Variants in RPN2 observed in about 807,000 individuals in gnomAD.
RPN2 encodes ribophorin II.
In RPN2, 29 loss-of-function variants were observed where a neutral mutation model predicts 71.4. That is an observed-to-expected ratio of 0.41 (90% CI 0.30 to 0.55). The LOEUF (loss-of-function observed/expected upper bound fraction) is 0.55. Among genes scored for constraint, RPN2 ranks in the 20% least tolerant of loss-of-function variants. The probability of loss-of-function intolerance (pLI) is 0.35; values close to 1 mark genes in which losing one functional copy is unlikely to be tolerated. For synonymous variants in RPN2, 308 were observed against 305.0 expected, an observed-to-expected ratio of 1.01 and a Z score of -0.10; for missense variants, 726 against 774.1, an observed-to-expected ratio of 0.94 and a Z score of 0.74.
At chr20:37,217,890 T>G (rs982678497) in intron 9 of RPN2, among the ~76,000 whole-genome samples, 1 of 152,108 alleles carries the variant, frequency 6.6e-6, no homozygotes, top group South Asian at 2.1e-4. Flanking sequence ...CACGCCACCA[T>G]GCCTGGCTAA....
At chr20:37,231,814 A>G (rs1247265872) in intron 13 of RPN2, among the ~76,000 whole-genome samples, 1 of 152,064 alleles carries the variant, frequency 6.6e-6, no homozygotes, top group African/African-American at 2.4e-5. Flanking sequence ...AAAGATCTGT[A>G]GGGAGGCTCT....
At position 37,230,030 on chromosome 20, in the gene RPN2, A is replaced by C. The variant is rs751389613; in HGVS notation, c.1552A>C (p.Asn518His). ...EEAPSTVLSQ[N>H]LFTPKQEIQH... The stretch of plus-strand genomic sequence containing the variant: ...AGCTCCCTCGACTGTCTTGTCCCAG[A>C]ACCTTTTCACTCCAAAACAGGAAAT... The change falls in exon 13 of 17, where the codon AAC (asparagine) becomes CAC (histidine). Residue 518 changes from asparagine to histidine, a missense_variant. Asn to His is a moderately conservative substitution (Grantham distance 68). Coordinates refer to ENST00000237530, the MANE Select transcript of RPN2 (RefSeq NM_002951.5). The C allele has an allele frequency of 6.2e-7, 1 of 1,614,174 alleles. No individual in the cohort carries two copies. Among genetic ancestry groups the C allele is most frequent in the South Asian group, 1.1e-5 (1 of 91,076 alleles).
rs372561414 is a variant in RPN2 at position 37,238,821 on chromosome 20, C to T, written c.1883+2112C>T. ...GACAAATCCAAAATTCATTAAATGA[C>T]GGTCCCATGGCAAATCCTGGCACAC... On this transcript the variant is annotated intron_variant, in intron 16 of 16. Transcript: ENST00000237530. 8 of 535,786 alleles carry T rather than the reference C, an allele frequency of 1.5e-5. No homozygotes were observed. In the East Asian group the frequency reaches 1.5e-4, roughly 10 times the overall value. The allele number at this position is 535,786 out of a possible 1,614,324, so 33.2% of individuals were successfully genotyped here. A position where few individuals can be genotyped will look rare whatever the true frequency, so the allele number is the denominator to read the frequency against.
intron 13 of RPN2, among the ~76,000 whole-genome samples, chr20:37,231,315 ACTAT>A (rs1485904798): frequency 1.3e-5 from 2 of 151,962 alleles, no homozygotes; most frequent in African/African-American, 2.4e-5. Context: ...GCTAGGTCAC[ACTAT>A]CTAGGTGAGC....
chr20:37,226,696 A>G (rs1322588768), intron 11 of RPN2, among the ~76,000 whole-genome samples: 1 of 152,164 alleles, frequency 6.6e-6, no homozygotes, highest in African/African-American at 2.4e-5. Flanking sequence ...TATTTTTTTC[A>G]TAGAGTAATG....
chr20:37,232,298 C>T lies in RPN2; in HGVS notation c.1584C>T (p.His528=). ...NLFTPKQEIQ[H]LFREPEKRPP... is the part of the protein sequence containing the mutation. ...CTTCTTGGTGTGTCTTTCGGCAGCA[C>T]CTGTTCCGCGAGCCTGAGAAGAGGC... Residue 528 remains histidine (H), a splice_region_variant and synonymous_variant, in exon 14 of 17, where the codon CAC becomes CAT. Transcript: ENST00000237530. 6.2e-7 allele frequency: 1 copy of T among 1,614,200 alleles called. No individual in the cohort carries two copies. Among genetic ancestry groups the T allele is most frequent in the Non-Finnish European group, 8.5e-7 (1 of 1,180,038 alleles).
At chr20:37,190,735 T>G (rs1169200259) in intron 2 of RPN2, among the ~76,000 whole-genome samples, 1 of 152,094 alleles carries the variant, frequency 6.6e-6, no homozygotes, top group South Asian at 2.1e-4. Context: ...AAATGGGAGC[T>G]CTCTAAATGT....
chr20:37,232,488 AG>A, intron 14 of RPN2, 97 bp downstream of exon 14: 1 of 1,422,270 alleles, frequency 7.0e-7, no homozygotes, highest in Non-Finnish European at 9.9e-7. Flanking sequence ...GCCTCAGTAA[AG>A]CTCCAGAGGG....
At chr20:37,236,991 G>A (rs924830743) in intron 16 of RPN2, among the ~76,000 whole-genome samples, 1 of 152,184 alleles carries the variant, frequency 6.6e-6, no homozygotes, top group Non-Finnish European at 1.5e-5. Flanking sequence ...ATTCATAGAT[G>A]TGGCAGAAGA....
At chr20:37,208,629 T>C (rs1347264251) in intron 7 of RPN2, among the ~76,000 whole-genome samples, 5 of 152,358 alleles carry the variant, frequency 3.3e-5, no homozygotes, top group Admixed American at 3.3e-4. Flanking sequence ...TTTGCCTCTT[T>C]ATAGCACAGT....
At position 37,191,138 on chromosome 20, in the gene RPN2, A is replaced by G. The variant is rs185949299; in HGVS notation, c.207+6765A>G. On this transcript the variant is annotated intron_variant, in intron 2 of 16. Transcript: ENST00000237530. ...ATGGGGTTTAATGAGAATAGAAACT[A>G]TGGAGACAGCAGTGTGGAATGAGAG... 5.9e-5 allele frequency among the ~76,000 whole-genome samples: 9 copies of G among 152,302 alleles called. No individual in the cohort carries two copies. In the East Asian group the frequency reaches 1.2e-3, roughly 20 times the overall value.
At chr20:37,232,433 C>T (rs1433103277) in intron 14 of RPN2, 42 bp downstream of exon 14, 1 of 1,606,224 alleles carries the variant, frequency 6.2e-7, no homozygotes, top group Non-Finnish European at 8.5e-7. Context: ...CGTCTGGCGC[C>T]AGACCCAGCA....
chr20:37,216,492 C>T (rs1313000930), intron 9 of RPN2, among the ~76,000 whole-genome samples: 7 of 150,898 alleles, frequency 4.6e-5, no homozygotes, highest in South Asian at 2.1e-4. Context: ...GACAGAGTCT[C>T]GCTCTGTCAC....
intron 14 of RPN2, among the ~76,000 whole-genome samples, chr20:37,233,281 C>CT (rs1245037581): frequency 6.6e-6 from 1 of 151,966 alleles, no homozygotes; most frequent in African/African-American, 2.4e-5. Flanking sequence ...AGTGGACATT[C>CT]TGGAGAATGT....
chr20:37,216,014 A>G (rs2067795438), intron 9 of RPN2, among the ~76,000 whole-genome samples: 1 of 152,240 alleles, frequency 6.6e-6, no homozygotes, highest in South Asian at 2.1e-4. Context: ...TTGAAGCACA[A>G]AATTTAATTT....
At chr20:37,186,851 A>T (rs1322213989) in intron 2 of RPN2, among the ~76,000 whole-genome samples, 1 of 152,194 alleles carries the variant, frequency 6.6e-6, no homozygotes, top group East Asian at 1.9e-4. Context: ...AATATTTTCC[A>T]CATTCTGCCT....
At position 37,184,175 on chromosome 20, in the gene RPN2, C is replaced by A. The variant is rs199630624; in HGVS notation, c.14-5C>A. The A allele has an allele frequency of 5.4e-5, 87 of 1,614,124 alleles. 1 individual carries two copies. The East Asian group carries it at 1.8e-3, about 33-fold the overall frequency. ...GAGTGTACTGAATGGTTGTTTCCCCCCAAGGTTCAAGCACTGTCTTCCTGT... is the reference window on the plus strand; with the variant it reads ...GAGTGTACTGAATGGTTGTTTCCCCACAAGGTTCAAGCACTGTCTTCCTGT... On this transcript the variant is annotated splice_polypyrimidine_tract_variant and splice_region_variant and intron_variant, in intron 1 of 16. Coordinates refer to ENST00000237530, the MANE Select transcript of RPN2 (RefSeq NM_002951.5).
chr20:37,198,794 G>A (rs922890980), intron 3 of RPN2, among the ~76,000 whole-genome samples: 5 of 152,060 alleles, frequency 3.3e-5, no homozygotes, highest in South Asian at 2.1e-4. Flanking sequence ...ACCCCCACAC[G>A]AGGTTTCTGG....
At chr20:37,184,765 C>G (rs1457381547) in intron 2 of RPN2, among the ~76,000 whole-genome samples, 1 of 152,158 alleles carries the variant, frequency 6.6e-6, no homozygotes, top group East Asian at 1.9e-4. Context: ...GCACTCCAGC[C>G]CAGGCAACAG....
Sources: gnomAD v4.1 joint callset for allele counts (sites outside exome capture counted in the v4.1 genomes callset) on GRCh38, gnomAD v4.1.1 for gene constraint, MANE v1.5 for transcripts, NCBI Gene and HGNC (gene_info 2026-07-23, HGNC 2026-07-21) for gene names.